Variants in PCDH15 observed in about 807,000 individuals in gnomAD.
PCDH15 encodes the protein protocadherin-15.
In PCDH15, 129 loss-of-function variants were observed where a neutral mutation model predicts 178.5. The ratio of observed to expected loss-of-function variants is 0.72; its 90% CI spans 0.63 to 0.84. The LOEUF is 0.84. PCDH15 is among the 40% of genes least tolerant of loss of function. PCDH15 has a pLI of 0.00. For missense variants in PCDH15, 2,230 were observed against 2,099.9 expected (o/e 1.06, Z -1.21); for synonymous variants, 800 against 732.0 (o/e 1.09, Z -1.50).
chr10:55,567,310 C>A (rs1011977511), intron 2 of PCDH15, among the ~76,000 whole-genome samples: 1 of 151,558 alleles, frequency 6.6e-6, no homozygotes, highest in African/African-American at 2.4e-5. Flanking sequence ...AATGGAAGGC[C>A]TAAAACTATA....
intron 20 of PCDH15, among the ~76,000 whole-genome samples, chr10:54,018,436 A>C (rs1459975649): frequency 1.3e-5 from 2 of 152,142 alleles, no homozygotes; most frequent in Admixed American, 1.3e-4. Context: ...AATTCTGCTA[A>C]ACAATTCACC....
intron 6 of PCDH15, among the ~76,000 whole-genome samples, chr10:54,338,896 A>AT (rs11430086): frequency 0.33 from 49,599 of 151,956 alleles, 9,148 homozygotes; most frequent in African/African-American, 0.51. Context: ...AGACATGATA[A>AT]TTATTGTCTA....
chr10:53,808,718 A>T, intron 37 of PCDH15: 1 of 1,613,130 alleles, frequency 6.2e-7, no homozygotes, highest in Non-Finnish European at 8.5e-7. Flanking sequence ...TAACCTTCAG[A>T]GTTTGCTCCT....
rs149757971 is a variant in PCDH15, at chr10:53,806,431, G to GTCTC, written c.*144_*147dup. The GTCTC allele has an allele frequency of 0.011, 7,343 of 686,702 alleles. 370 individuals are homozygous for GTCTC. In the African/African-American group the frequency reaches 0.11, roughly 10 times the overall value. The allele number at this position is 686,702 out of a possible 1,614,324, so 42.5% of individuals were successfully genotyped here. On this transcript the variant is annotated 3_prime_UTR_variant, in exon 38 of 38. Coordinates refer to ENST00000644397, the MANE Select transcript of PCDH15 (RefSeq NM_001384140.1). ...TTGATAACAATGTGAGTGCAAATCT[G>GTCTC]TCTCTTAAAATTTTAAAGCATATTG...
At chr10:54,828,989 G>T (rs959751610) in intron 3 of PCDH15, among the ~76,000 whole-genome samples, 6 of 151,966 alleles carry the variant, frequency 3.9e-5, no homozygotes, top group African/African-American at 1.2e-4. Context: ...TCTGAAAGAC[G>T]TGAGAACATA....
chr10:53,931,226 T>C (rs148035329), intron 25 of PCDH15, among the ~76,000 whole-genome samples: 17 of 152,322 alleles, frequency 1.1e-4, no homozygotes, highest in African/African-American at 3.6e-4. Flanking sequence ...TCTCCATCTG[T>C]AATAATGACT....
At chr10:54,728,232 C>A (rs879393639) in intron 1 of PCDH15, among the ~76,000 whole-genome samples, 6 of 151,418 alleles carry the variant, frequency 4.0e-5, no homozygotes, top group African/African-American at 1.5e-4. Context: ...GTTAATCAAC[C>A]AAAATTATGA....
chr10:54,216,044 G>GGAA (rs1305937392), intron 9 of PCDH15, among the ~76,000 whole-genome samples: 2 of 70,386 alleles, frequency 2.8e-5, no homozygotes, highest in African/African-American at 6.2e-5. Context: ...CTCCGTCTCA[G>GGAA]AAAAAAAAAA....
intron 23 of PCDH15, among the ~76,000 whole-genome samples, chr10:53,944,991 TC>T (rs1382337842): frequency 1.3e-5 from 2 of 152,206 alleles, no homozygotes; most frequent in African/African-American, 4.8e-5. Flanking sequence ...TTAAACAAAA[TC>T]TACAGGCTTT....
intron 3 of PCDH15, among the ~76,000 whole-genome samples, chr10:54,483,553 T>A (rs1486421924): frequency 6.6e-6 from 1 of 151,770 alleles, no homozygotes; most frequent in Non-Finnish European, 1.5e-5. Flanking sequence ...GAGGTCATAG[T>A]GTAATGGAGA....
chr10:55,466,978 G>C (rs745835424), intron 2 of PCDH15, among the ~76,000 whole-genome samples: 1 of 152,130 alleles, frequency 6.6e-6, no homozygotes, highest in Non-Finnish European at 1.5e-5. Flanking sequence ...TCCACTGGGA[G>C]CCTTTCAGGC....
At chr10:55,404,332 G>A (rs1212155436) in intron 2 of PCDH15, among the ~76,000 whole-genome samples, 1 of 152,038 alleles carries the variant, frequency 6.6e-6, no homozygotes, top group African/African-American at 2.4e-5. Flanking sequence ...TATGATTGAT[G>A]AGACACAGAT....
intron 2 of PCDH15, among the ~76,000 whole-genome samples, chr10:55,583,698 T>C (rs1485405455): frequency 6.6e-6 from 1 of 152,128 alleles, no homozygotes; most frequent in Non-Finnish European, 1.5e-5. Flanking sequence ...CCTCCCAAAG[T>C]GCTGGGATTA....
At chr10:54,317,524 C>T (rs2061353954) in intron 7 of PCDH15, 83 bp from the exon 8 acceptor site, 1 of 1,537,958 alleles carries the variant, frequency 6.5e-7, no homozygotes, top group African/African-American at 1.4e-5. Flanking sequence ...CCTGTAATCC[C>T]AGAACTTTGG....
chr10:54,067,313 T>C (rs188252146), intron 17 of PCDH15, among the ~76,000 whole-genome samples: 1 of 152,324 alleles, frequency 6.6e-6, no homozygotes, highest in Admixed American at 6.5e-5. Context: ...TAAAATAGCA[T>C]GGTACATCAA....
chr10:54,514,126 T>G (rs2081976011), intron 3 of PCDH15, among the ~76,000 whole-genome samples: 1 of 152,246 alleles, frequency 6.6e-6, no homozygotes, highest in Admixed American at 6.5e-5. Context: ...TTACAGAGGA[T>G]ATTTCTTTTA....
At chr10:55,242,963 G>T (rs949579099) in intron 1 of PCDH15, among the ~76,000 whole-genome samples, 1 of 152,180 alleles carries the variant, frequency 6.6e-6, no homozygotes, top group Non-Finnish European at 1.5e-5. Flanking sequence ...GGGAGAAAAT[G>T]ATTTGGAACA....
At chr10:55,489,628 A>G (rs1840370593) in intron 2 of PCDH15, among the ~76,000 whole-genome samples, 1 of 151,700 alleles carries the variant, frequency 6.6e-6, no homozygotes, top group East Asian at 1.9e-4. Flanking sequence ...AGAGATGAGT[A>G]GTTAACATCG....
intron 31 of PCDH15, 151 bp downstream of exon 31, chr10:53,828,414 T>G (rs2076830932): frequency 1.5e-6 from 1 of 675,686 alleles, no homozygotes; most frequent in Admixed American, 2.5e-5. Flanking sequence ...TCAGCTCAAT[T>G]CTATATATAT....
Sources: gnomAD v4.1 joint callset for allele counts (sites outside exome capture counted in the v4.1 genomes callset) on GRCh38, gnomAD v4.1.1 for gene constraint, MANE v1.5 for transcripts, NCBI Gene and HGNC (gene_info 2026-07-23, HGNC 2026-07-21) for gene names.